ATP2C1: variants seen among roughly 807,000 people sequenced by gnomAD.
ATP2C1 encodes the protein calcium-transporting ATPase type 2C member 1.
In ATP2C1, 31 loss-of-function variants were observed where a neutral mutation model predicts 120.5. The observed-to-expected ratio is 0.26, with a 90% CI of 0.19 to 0.35. The LOEUF is 0.35. Among genes scored for constraint, ATP2C1 ranks in the 10% least tolerant of loss-of-function variants. The pLI is 1.00. For missense variants in ATP2C1, 731 were observed against 1,107.5 expected (o/e 0.66, Z 4.83); for synonymous variants, 351 against 358.7 (o/e 0.98, Z 0.24).
intron 8 of ATP2C1, among the ~76,000 whole-genome samples, chr3:130,952,992 T>A (rs1190608830): frequency 1.3e-5 from 2 of 152,166 alleles, no homozygotes; most frequent in Non-Finnish European, 2.9e-5. Flanking sequence ...GTATTGAAGG[T>A]TTTGAGAGCA....
chr3:130,894,546 C>CA lies in ATP2C1; in HGVS notation c.-180-44_-180-43insA. On this transcript the variant is annotated intron_variant, in intron 1 of 27. Transcript: ENST00000510168. The surrounding 1 kb of genome is among the most constrained non-coding windows in gnomAD (Gnocchi z 4.5). Reference sequence around the variant, plus strand: ...ATAGTGGCTGGGCGGGGAACTCCTTCCTCAGCCTCTCGTCAGCGCCGCTTC... The same window carrying CA: ...ATAGTGGCTGGGCGGGGAACTCCTTCACTCAGCCTCTCGTCAGCGCCGCTTC... 7.1e-7 allele frequency: 1 copy of CA among 1,408,510 alleles called. No homozygotes were observed. The allele number at this position is 1,408,510 out of a possible 1,614,324, so 87.3% of individuals were successfully genotyped here.
At position 130,911,525 on chromosome 3, in the gene ATP2C1, C is replaced by G. The variant is rs371588748; in HGVS notation, c.6+16750C>G. 4.3e-4 allele frequency among the ~76,000 whole-genome samples: 65 copies of G among 151,208 alleles called. No individual in the cohort carries two copies. In the East Asian group the frequency reaches 9.4e-3, roughly 22 times the overall value. ...TGTGTTTGCTCTTGCTTTTCTAGTT[C>G]TTTTAATTGTGATGTTAGGGTGTCA... On this transcript the variant is annotated intron_variant, in intron 2 of 27. Coordinates refer to ENST00000510168, the MANE Select transcript of ATP2C1 (RefSeq NM_001378687.1).
chr3:130,998,388 A>G lies in ATP2C1; in HGVS notation c.2486A>G (p.Gln829Arg). The change falls in exon 26 of 28, where the codon CAG (glutamine) becomes CGG (arginine). Residue 829 changes from glutamine to arginine, a missense_variant and splice_region_variant. Coordinates refer to ENST00000510168, the MANE Select transcript of ATP2C1 (RefSeq NM_001378687.1). ...DMFNALSSRS[Q>R]TKSVFEIGLC... ...TTCAATGCACTAAGTTCCAGATCCC[A>G]GGTATGTTTAGGTGAACTTAGTTGA... is the stretch of plus-strand genomic sequence containing the variant. 1 of 1,585,380 alleles carries G rather than the reference A, an allele frequency of 6.3e-7. No homozygotes were observed. The highest frequency in any genetic ancestry group is 8.7e-7 in the Non-Finnish European group (1 of 1,153,994).
chr3:130,915,090 GTT>G (rs140900627), intron 2 of ATP2C1, among the ~76,000 whole-genome samples: 17 of 145,194 alleles, frequency 1.2e-4, no homozygotes, highest in Admixed American at 4.8e-4. Context: ...TTCATTCTGG[GTT>G]TTTTTTTTTT....
intron 26 of ATP2C1, among the ~76,000 whole-genome samples, chr3:131,013,568 T>C (rs1041493521): frequency 2.6e-5 from 4 of 152,262 alleles, no homozygotes; most frequent in African/African-American, 9.6e-5. Context: ...TCTTCAATCC[T>C]GTCATGGTCT....
At chr3:130,945,045 A>G (rs1559956970) in intron 8 of ATP2C1, among the ~76,000 whole-genome samples, 1 of 151,978 alleles carries the variant, frequency 6.6e-6, no homozygotes, top group Non-Finnish European at 1.5e-5. Flanking sequence ...TTCTTTGAAT[A>G]TTTTCCACCT....
At chr3:130,976,294 G>A (rs187394883) in intron 18 of ATP2C1, among the ~76,000 whole-genome samples, 39 of 152,204 alleles carry the variant, frequency 2.6e-4, no homozygotes, top group Non-Finnish European at 4.9e-4. Flanking sequence ...GATTTATAGG[G>A]CTTCTGTTCT....
chr3:130,938,351 GAGA>G (rs2059757302), intron 6 of ATP2C1, among the ~76,000 whole-genome samples: 1 of 152,212 alleles, frequency 6.6e-6, no homozygotes, highest in South Asian at 2.1e-4. Flanking sequence ...TTCTAGCTTA[GAGA>G]AAAATGTAAT....
At chr3:130,984,537 A>G (rs1560012534) in intron 20 of ATP2C1, among the ~76,000 whole-genome samples, 1 of 152,166 alleles carries the variant, frequency 6.6e-6, no homozygotes, top group East Asian at 1.9e-4. Flanking sequence ...GGATGTTGTT[A>G]CTAATAGAAA....
At chr3:130,854,585 G>T (rs893916363) in intron 1 of ATP2C1, among the ~76,000 whole-genome samples, 1 of 152,180 alleles carries the variant, frequency 6.6e-6, no homozygotes, top group Admixed American at 6.5e-5. Context: ...ACTGAGTGTG[G>T]AAGGGAGAAT....
intron 10 of ATP2C1, among the ~76,000 whole-genome samples, chr3:130,955,508 A>G (rs2060541687): frequency 1.3e-5 from 2 of 152,218 alleles, no homozygotes; most frequent in Non-Finnish European, 2.9e-5. Flanking sequence ...TTCTCGGCTA[A>G]AAGTATTAAA....
intron 20 of ATP2C1, among the ~76,000 whole-genome samples, chr3:130,987,332 C>T (rs1274840517): frequency 2.6e-5 from 4 of 151,390 alleles, no homozygotes; most frequent in Admixed American, 2.6e-4. Flanking sequence ...TTTTTTGAGA[C>T]AGAGTCTCCT....
intron 2 of ATP2C1, chr3:130,918,245 C>T (rs2058774168): frequency 6.7e-7 from 1 of 1,501,818 alleles, no homozygotes; most frequent in Non-Finnish European, 9.2e-7. Context: ...AGAGCCCTCT[C>T]CTTGGCCATA....
chr3:130,983,189 A>G (rs1298224175), intron 20 of ATP2C1, among the ~76,000 whole-genome samples: 1 of 152,180 alleles, frequency 6.6e-6, no homozygotes, highest in Non-Finnish European at 1.5e-5. Flanking sequence ...TCCTTTAAGG[A>G]TAATGACAAT....
chr3:130,965,557 T>C (rs1382752468), intron 14 of ATP2C1, among the ~76,000 whole-genome samples: 1 of 152,118 alleles, frequency 6.6e-6, no homozygotes, highest in Non-Finnish European at 1.5e-5. Flanking sequence ...CCGTACATGT[T>C]CTGTCCCTTA....
rs2069365726 is a variant in ATP2C1 at position 130,894,199 on chromosome 3, C to T, written c.-319C>T. ...CTCCCTTCCTCCCTCCCGCTCGCTT[C>T]TTCTCACGCCGGGAGCAGGCTCCCG... On this transcript the variant is annotated 5_prime_UTR_variant, in exon 1 of 28. Coordinates refer to ENST00000510168, the MANE Select transcript of ATP2C1 (RefSeq NM_001378687.1). The surrounding 1 kb of genome is among the most constrained non-coding windows in gnomAD (Gnocchi z 4.5). The T allele has an allele frequency of 3.1e-6, 3 of 969,964 alleles. No individual in the cohort carries two copies. The highest frequency in any genetic ancestry group is 4.9e-5 in the South Asian group (1 of 20,584). 60.1% of individuals were successfully genotyped at this position (969,964 alleles called of 1,614,324 possible). A position where few individuals can be genotyped will look rare whatever the true frequency, so the allele number is the denominator to read the frequency against.
At chr3:130,879,477 T>C (rs2068714627) in intron 1 of ATP2C1, among the ~76,000 whole-genome samples, 1 of 152,348 alleles carries the variant, frequency 6.6e-6, no homozygotes, top group African/African-American at 2.4e-5. Context: ...TGTATTTGTT[T>C]GCATTTCACT....
chr3:130,992,826 T>C, intron 20 of ATP2C1, 125 bp from the exon 21 acceptor site: 1 of 751,082 alleles, frequency 1.3e-6, no homozygotes, highest in Non-Finnish European at 2.4e-6. Context: ...TGCTTAAGCT[T>C]GATCTCAGTG....
chr3:131,015,321 A>G lies in ATP2C1; in HGVS notation c.2630-831A>G. The stretch of plus-strand genomic sequence containing the variant: ...AGAGTTTACATCTGAGTGGAGAGAC[A>G]AACAAAACACAATCTATCTCCTTTT... On this transcript the variant is annotated intron_variant, in intron 26 of 26. Transcript: ENST00000328560. 9.1e-6 allele frequency: 6 copies of G among 660,976 alleles called. No homozygotes were observed. The Admixed American group carries it at 1.5e-4, about 16-fold the overall frequency. 40.9% of individuals were successfully genotyped at this position (660,976 alleles called of 1,614,324 possible). A position where few individuals can be genotyped will look rare whatever the true frequency, so the allele number is the denominator to read the frequency against.
Sources: allele counts gnomAD v4.1 joint callset (sites outside exome capture counted in the v4.1 genomes callset), GRCh38; gene constraint gnomAD v4.1.1; non-coding constraint Gnocchi (gnomAD v3.1); transcripts MANE v1.5; gene names NCBI Gene and HGNC (gene_info 2026-07-23, HGNC 2026-07-21).